The following RPS6KC1 variants were observed in gnomAD, a reference collection of about 807,000 sequenced individuals.
The protein encoded by RPS6KC1 is ribosomal protein S6 kinase C1.
Under a neutral mutation model 103.8 loss-of-function variants are expected in RPS6KC1, and 54 were observed. The observed-to-expected ratio is 0.52, with a 90% CI of 0.42 to 0.65. The LOEUF (loss-of-function observed/expected upper bound fraction) is 0.65, where lower values mean the gene tolerates loss of function less well. Ranked by LOEUF, RPS6KC1 falls within the 30% of genes least tolerant of loss-of-function variation. The probability of loss-of-function intolerance (pLI) is 0.00; values close to 1 mark genes in which losing one functional copy is unlikely to be tolerated. For synonymous variants in RPS6KC1, 439 were observed against 438.7 expected, an observed-to-expected ratio of 1.00 and a Z score of -0.01; for missense variants, 1,151 against 1,253.8, an observed-to-expected ratio of 0.92 and a Z score of 1.24.
At chr1:213,612,159 C>T in the RPS6KC1 span, among the ~76,000 whole-genome samples, 1 of 152,188 alleles carries the variant, frequency 6.6e-6, no homozygotes, top group African/African-American at 2.4e-5. Flanking sequence ...CACCCCAGAC[C>T]TACTGAATCT....
chr1:213,230,524 G>A lies in RPS6KC1; in HGVS notation c.1072G>A (p.Glu358Lys). ...KVLLVMDTRT[E>K]QTFILKGLRK... ...TTTACTTGTAATGGACACAAGGACAGAACAGACTTTCATTTTAAAAGTAAG... is the reference window on the plus strand; with the variant it reads ...TTTACTTGTAATGGACACAAGGACAAAACAGACTTTCATTTTAAAAGTAAG... Residue 358 changes from glutamate (E) to lysine (K), a missense_variant, in exon 9 of 15, where the codon GAA (glutamate) becomes AAA (lysine). By Grantham distance (56) the Glu-to-Lys change is moderately conservative (BLOSUM62 1). Transcript: ENST00000366960. The A allele has an allele frequency of 6.2e-7, 1 of 1,605,618 alleles. No individual in the cohort carries two copies. Among genetic ancestry groups the A allele is most frequent in the Non-Finnish European group, 8.5e-7 (1 of 1,175,612 alleles).
At chr1:213,847,935 C>T in the RPS6KC1 span, among the ~76,000 whole-genome samples, 1 of 152,030 alleles carries the variant, frequency 6.6e-6, no homozygotes, top group South Asian at 2.1e-4. Context: ...TCTTTAATCT[C>T]TTCTCCTTGA....
chr1:213,082,271 G>T (rs560169997), intron 3 of RPS6KC1, among the ~76,000 whole-genome samples: 1 of 148,560 alleles, frequency 6.7e-6, no homozygotes, highest in East Asian at 2.0e-4. Flanking sequence ...ATACAAAAAA[G>T]AAAAAAAAAA....
At chr1:213,380,479 G>T in the RPS6KC1 span, among the ~76,000 whole-genome samples, 3 of 151,962 alleles carry the variant, frequency 2.0e-5, no homozygotes, top group Non-Finnish European at 4.4e-5. Flanking sequence ...ATGTACCCCT[G>T]AACTTAAAAT....
chr1:213,297,039 C>G, the RPS6KC1 span, among the ~76,000 whole-genome samples: 1 of 152,176 alleles, frequency 6.6e-6, no homozygotes, highest in Admixed American at 6.5e-5. Flanking sequence ...CATTTCTACC[C>G]TGCTTGTCTC....
intron 2 of RPS6KC1, among the ~76,000 whole-genome samples, chr1:213,073,570 G>C (rs151290679): frequency 5.3e-5 from 8 of 152,222 alleles, no homozygotes; most frequent in Admixed American, 5.2e-4. Flanking sequence ...GGTGAAATTT[G>C]GGAAAGGAAA....
chr1:213,594,892 C>G, the RPS6KC1 span, among the ~76,000 whole-genome samples: 3 of 151,984 alleles, frequency 2.0e-5, no homozygotes, highest in Admixed American at 1.3e-4. Flanking sequence ...AAAGTGAAGC[C>G]CATCCTGCTT....
At chr1:213,464,211 A>G in the RPS6KC1 span, among the ~76,000 whole-genome samples, 1 of 152,168 alleles carries the variant, frequency 6.6e-6, no homozygotes, top group Admixed American at 6.5e-5. Flanking sequence ...GCTTCATAAA[A>G]TCAGTTTAGT....
chr1:213,858,441 C>T, the RPS6KC1 span, among the ~76,000 whole-genome samples: 1 of 152,024 alleles, frequency 6.6e-6, no homozygotes, highest in Non-Finnish European at 1.5e-5. Context: ...GGCGGTGGTT[C>T]TGAGGCCAGT....
the RPS6KC1 span, among the ~76,000 whole-genome samples, chr1:213,590,761 C>T: frequency 6.7e-6 from 1 of 149,154 alleles, no homozygotes; most frequent in Non-Finnish European, 1.5e-5. Context: ...GGCAGTGCTC[C>T]GGCAGCCGGG....
the RPS6KC1 span, among the ~76,000 whole-genome samples, chr1:213,822,746 A>G: frequency 6.6e-6 from 1 of 152,154 alleles, no homozygotes; most frequent in Non-Finnish European, 1.5e-5. Context: ...TTTCTCCAAC[A>G]TGTTACAGAA....
the RPS6KC1 span, among the ~76,000 whole-genome samples, chr1:213,786,320 G>T: frequency 6.6e-6 from 1 of 152,142 alleles, no homozygotes; most frequent in Non-Finnish European, 1.5e-5. Context: ...ATAAAAAGAT[G>T]ATTCTCCCCC....
intron 12 of RPS6KC1, among the ~76,000 whole-genome samples, chr1:213,255,682 A>G (rs1270295410): frequency 6.6e-6 from 1 of 152,238 alleles, no homozygotes. Context: ...AGAATTACTG[A>G]TATTTAAGGA....
At chr1:213,507,475 G>GA in the RPS6KC1 span, among the ~76,000 whole-genome samples, 1 of 152,112 alleles carries the variant, frequency 6.6e-6, no homozygotes, top group Middle Eastern at 3.4e-3. Flanking sequence ...CAGATGCAAA[G>GA]AAAGTGGCGC....
At chr1:213,432,381 CTCT>C in the RPS6KC1 span, among the ~76,000 whole-genome samples, 1 of 152,132 alleles carries the variant, frequency 6.6e-6, no homozygotes, top group African/African-American at 2.4e-5. Context: ...TAAATATATT[CTCT>C]TATTTTTATC....
At chr1:213,344,978 AT>A in the RPS6KC1 span, among the ~76,000 whole-genome samples, 110 of 152,364 alleles carry the variant, frequency 7.2e-4, no homozygotes, top group African/African-American at 2.6e-3. Context: ...ATAAATGAAT[AT>A]ATGAAGAAAA....
the RPS6KC1 span, among the ~76,000 whole-genome samples, chr1:213,625,432 C>CTT: frequency 7.6e-4 from 114 of 150,798 alleles, no homozygotes; most frequent in African/African-American, 1.3e-3. Context: ...TCTTGGGGCT[C>CTT]TTTTTTTTTA....
the RPS6KC1 span, among the ~76,000 whole-genome samples, chr1:213,448,185 A>G: frequency 6.9e-6 from 1 of 145,522 alleles, no homozygotes; most frequent in African/African-American, 2.6e-5. Flanking sequence ...AGCTATGATC[A>G]CACCATTGCA....
the RPS6KC1 span, among the ~76,000 whole-genome samples, chr1:213,489,093 G>A: frequency 6.6e-6 from 1 of 152,166 alleles, no homozygotes; most frequent in Non-Finnish European, 1.5e-5. Flanking sequence ...CGGGGAGCTG[G>A]AACATACATA....
Sources: gnomAD v4.1 joint callset for allele counts (sites outside exome capture counted in the v4.1 genomes callset) on GRCh38, gnomAD v4.1.1 for gene constraint, MANE v1.5 for transcripts, NCBI Gene and HGNC (gene_info 2026-07-23, HGNC 2026-07-21) for gene names.